The following MYPOP variants were observed in gnomAD, a reference collection of about 807,000 sequenced individuals.
MYPOP encodes Myb related transcription factor, partner of profilin, also known as myb-related transcription factor, partner of profilin.
In MYPOP, 21 loss-of-function variants were observed where a neutral mutation model predicts 25.7. The observed-to-expected ratio is 0.82, with a 90% CI of 0.58 to 1.18. The LOEUF (loss-of-function observed/expected upper bound fraction) is 1.18. Among genes scored for constraint, MYPOP ranks in the 50% most tolerant of loss-of-function variants. The pLI is 0.00. For synonymous variants in MYPOP, 280 were observed against 247.9 expected, an observed-to-expected ratio of 1.13 and a Z score of -1.22; for missense variants, 566 against 588.3, an observed-to-expected ratio of 0.96 and a Z score of 0.39.
At chr19:45,891,793 T>C (rs969478187) in intron 2 of MYPOP, among the ~76,000 whole-genome samples, 4 of 152,056 alleles carry the variant, frequency 2.6e-5, no homozygotes, top group African/African-American at 9.7e-5. Flanking sequence ...AGAAGCTCCA[T>C]GGCAGGCCAG....
At chr19:45,897,776 G>A (rs962095322) in intron 2 of MYPOP, among the ~76,000 whole-genome samples, 2 of 151,530 alleles carry the variant, frequency 1.3e-5, no homozygotes, top group African/African-American at 4.9e-5. Context: ...GGCTGGTCTT[G>A]CCCTCCTGGG....
At chr19:45,895,472 C>T (rs1362471262) in intron 2 of MYPOP, among the ~76,000 whole-genome samples, 1 of 151,846 alleles carries the variant, frequency 6.6e-6, no homozygotes, top group Non-Finnish European at 1.5e-5. Context: ...CAGGCTGGCC[C>T]CATCTCCTTC....
At chr19:45,891,943 A>G (rs1568641922) in intron 2 of MYPOP, among the ~76,000 whole-genome samples, 1 of 151,914 alleles carries the variant, frequency 6.6e-6, no homozygotes. Context: ...TTTTTGAGAC[A>G]AAGTCTCACT....
At chr19:45,897,068 C>CTT (rs34935070) in intron 2 of MYPOP, among the ~76,000 whole-genome samples, 50 of 142,920 alleles carry the variant, frequency 3.5e-4, no homozygotes, top group African/African-American at 1.1e-3. Flanking sequence ...AGTCCATGGC[C>CTT]TTTTTTTTTT....
chr19:45,898,487 C>T (rs1568644581), intron 2 of MYPOP, among the ~76,000 whole-genome samples: 1 of 151,332 alleles, frequency 6.6e-6, no homozygotes, highest in Non-Finnish European at 1.5e-5. Flanking sequence ...CCACGCGTGG[C>T]TAATTTTGTA....
chr19:45,894,101 T>C (rs1254692267), intron 2 of MYPOP, among the ~76,000 whole-genome samples: 1 of 150,542 alleles, frequency 6.6e-6, no homozygotes, highest in Non-Finnish European at 1.5e-5. Flanking sequence ...GTACACTTTA[T>C]TTTTAATTTT....
At position 45,901,976 on chromosome 19, in the gene MYPOP, A is replaced by C. The variant is rs1373102342; in HGVS notation, c.-52-151T>G. Among the ~76,000 whole-genome samples the C allele has an allele frequency of 2.6e-5, 4 of 151,022 alleles. No homozygotes were observed. Among genetic ancestry groups the C allele is most frequent in the Non-Finnish European group, 5.9e-5 (4 of 67,700 alleles). ...GGCGACGGGCACCCGGGTAAGTCGG[A>C]AGCGCCTAAGAGTAGCTGACACCGG... On this transcript the variant is annotated intron_variant, in intron 1 of 2. Transcript: ENST00000322217. The surrounding 1 kb of genome is among the most constrained non-coding windows in gnomAD (Gnocchi z 5.7).
chr19:45,895,680 T>A (rs1478961619), intron 2 of MYPOP, among the ~76,000 whole-genome samples: 2 of 152,130 alleles, frequency 1.3e-5, no homozygotes, highest in Non-Finnish European at 2.9e-5. Flanking sequence ...AGAAAAGAAC[T>A]GGGGCTTCCA....
chr19:45,891,003 G>A lies in MYPOP; in HGVS notation c.820C>T (p.Arg274Trp). 3 of 1,527,122 alleles carry A rather than the reference G, an allele frequency of 2.0e-6. No homozygotes were observed. The highest frequency in any genetic ancestry group is 2.6e-6 in the Non-Finnish European group (3 of 1,133,276). The allele number at this position is 1,527,122 out of a possible 1,614,324, so 94.6% of individuals were successfully genotyped here. A position where few individuals can be genotyped will look rare whatever the true frequency, so the allele number is the denominator to read the frequency against. ...TGTCGAAGGGTGCCGGCCAGCTCCC[G>A]GATGGCGTTGGCAGTCTCCTGCTGG... ...RAQQETANAI[R>W]ELAGTLRQGL... Residue 274 changes from arginine (R) to tryptophan (W), a missense_variant, in exon 3 of 3, where the codon CGG (arginine) becomes TGG (tryptophan). Arg to Trp is a moderately radical substitution (Grantham distance 101, BLOSUM62 -3). Transcript: ENST00000322217.
chr19:45,898,372 A>G (rs1034868651), intron 2 of MYPOP, among the ~76,000 whole-genome samples: 1 of 147,398 alleles, frequency 6.8e-6, no homozygotes, highest in Admixed American at 6.8e-5. Flanking sequence ...GCCCAGGCTG[A>G]AGTGCAATGG....
chr19:45,891,026 T>A lies in MYPOP; in HGVS notation c.797A>T (p.Gln266Leu). The A allele has an allele frequency of 7.4e-7, 1 of 1,348,156 alleles. No homozygotes were observed. 83.5% of individuals were successfully genotyped at this position (1,348,156 alleles called of 1,614,324 possible). Residue 266 changes from glutamine (Q) to leucine (L), a missense_variant, in exon 3 of 3, where the codon CAG becomes CTG. Gln to Leu is a moderately radical substitution (Grantham distance 113). Coordinates refer to ENST00000322217, the MANE Select transcript of MYPOP (RefSeq NM_001012643.4). Reference protein sequence around the residue: ...SDPSLDFLRAQQETANAIREL... With the variant: ...SDPSLDFLRALQETANAIREL... The stretch of plus-strand genomic sequence containing the variant: ...CCGGATGGCGTTGGCAGTCTCCTGC[T>A]GGGCCCGCAGGAAGTCCAGGGAGGG...
chr19:45,891,869 C>G (rs187894597), intron 2 of MYPOP, among the ~76,000 whole-genome samples: 1 of 152,290 alleles, frequency 6.6e-6, no homozygotes, highest in African/African-American at 2.4e-5. Flanking sequence ...AAGTCCCTTG[C>G]TAGGCCAGGC....
chr19:45,901,355 G>A lies in MYPOP; in HGVS notation c.419C>T (p.Pro140Leu). 3 of 1,462,294 alleles carry A rather than the reference G, an allele frequency of 2.1e-6. No homozygotes were observed. Among genetic ancestry groups the A allele is most frequent in the Admixed American group, 2.8e-5 (1 of 36,196 alleles). The allele number at this position is 1,462,294 out of a possible 1,614,324, so 90.6% of individuals were successfully genotyped here. ...GAGAEEPPAA[P>L]SSQPPPPSAC... ...GCTTGGGGGCGGCGGCTGTGAAGAG[G>A]GGGCCGCAGGGGGCTCCTCCGCCCC... Residue 140 changes from proline to leucine, a missense_variant, in exon 2 of 3, where the codon CCC (proline) becomes CTC (leucine). Physicochemically the swap from Pro to Leu is moderately conservative, Grantham distance 98. Transcript: ENST00000322217. This position sits in a 1 kb window ranked among gnomAD's most constrained non-coding sequence, Gnocchi z 5.7.
intron 2 of MYPOP, among the ~76,000 whole-genome samples, chr19:45,899,141 G>C (rs1240993752): frequency 1.3e-5 from 2 of 152,188 alleles, no homozygotes; most frequent in South Asian, 4.1e-4. Flanking sequence ...CAGGAGAATT[G>C]CTTGAACCTG....
In MYPOP at chr19:45,890,713, T is replaced by TGG; in HGVS notation, c.1108_1109dup (p.Ala371GlnfsTer36). 7.5e-6 allele frequency: 2 copies of TGG among 265,064 alleles called. No homozygotes were observed. The highest frequency in any genetic ancestry group is 1.3e-5 in the Non-Finnish European group (2 of 157,170). The allele number at this position is 265,064 out of a possible 1,614,324, so 16.4% of individuals were successfully genotyped here. A position where few individuals can be genotyped will look rare whatever the true frequency, so the allele number is the denominator to read the frequency against. ...GGGAGTCGTGCGGAGGGAGCGGGGC[T>TGG]GGGGGGGGCCGGGGTGCCCCCTCCT... On this transcript the variant is annotated frameshift_variant, in exon 3 of 3. Transcript: ENST00000322217. LOFTEE classifies it high-confidence loss of function.
At chr19:45,894,482 C>T (rs778442514) in intron 2 of MYPOP, among the ~76,000 whole-genome samples, 5 of 151,862 alleles carry the variant, frequency 3.3e-5, no homozygotes, top group East Asian at 1.9e-4. Context: ...GGTGAGATCT[C>T]GGCTCACTGC....
Position 45,891,015 on chromosome 19 carries a change from C to T in MYPOP, c.808G>A (p.Ala270Thr). The T allele has an allele frequency of 6.5e-7, 1 of 1,528,978 alleles. No homozygotes were observed. The allele number at this position is 1,528,978 out of a possible 1,614,324, so 94.7% of individuals were successfully genotyped here. Residue 270 changes from alanine (A) to threonine (T), a missense_variant, in exon 3 of 3, where the codon GCC becomes ACC. Physicochemically the swap from Ala to Thr is moderately conservative, Grantham distance 58. Coordinates refer to ENST00000322217, the MANE Select transcript of MYPOP (RefSeq NM_001012643.4). ...LDFLRAQQETANAIRELAGTL... is the reference protein window; with the variant it reads ...LDFLRAQQETTNAIRELAGTL... ...CCGGCCAGCTCCCGGATGGCGTTGG[C>T]AGTCTCCTGCTGGGCCCGCAGGAAG...
chr19:45,901,494 C>A lies in MYPOP; in HGVS notation c.280G>T (p.Val94Leu). 6.2e-7 allele frequency: 1 copy of A among 1,609,840 alleles called. No homozygotes were observed. The highest frequency in any genetic ancestry group is 8.5e-7 in the Non-Finnish European group (1 of 1,178,642). ...CCGGCGCCCTGCGTGGAGTGCGGCACGCGAGCGAGCTTCTCCTTGGTGCGG... is the reference window on the plus strand; with the variant it reads ...CCGGCGCCCTGCGTGGAGTGCGGCAAGCGAGCGAGCTTCTCCTTGGTGCGG... The part of the protein sequence containing the change: ...KRRTKEKLAR[V>L]PHSTQGAGPA... Residue 94 changes from valine to leucine, a missense_variant, in exon 2 of 3, where the codon GTG becomes TTG. By Grantham distance (32) the Val-to-Leu change is conservative (BLOSUM62 1). Coordinates refer to ENST00000322217, the MANE Select transcript of MYPOP (RefSeq NM_001012643.4). The surrounding 1 kb of genome is among the most constrained non-coding windows in gnomAD (Gnocchi z 5.7).
intron 2 of MYPOP, among the ~76,000 whole-genome samples, chr19:45,894,724 CT>C (rs541151119): frequency 1.4e-3 from 166 of 120,802 alleles, no homozygotes; most frequent in Admixed American, 1.5e-3. Flanking sequence ...TTTCTTTTTT[CT>C]TTTTTTTTTT....
Sources: allele counts gnomAD v4.1 joint callset (sites outside exome capture counted in the v4.1 genomes callset), GRCh38; gene constraint gnomAD v4.1.1; non-coding constraint Gnocchi (gnomAD v3.1); transcripts MANE v1.5; gene names NCBI Gene and HGNC (gene_info 2026-07-23, HGNC 2026-07-21).